FBXL7: variants seen among roughly 807,000 people sequenced by gnomAD.
FBXL7 encodes the protein F-box/LRR-repeat protein 7.
Under a neutral mutation model 38.3 loss-of-function variants are expected in FBXL7, and 12 were observed. The observed-to-expected ratio is 0.31, with a 90% CI of 0.20 to 0.51. The LOEUF (loss-of-function observed/expected upper bound fraction) is 0.51. Ranked by LOEUF, FBXL7 falls within the 20% of genes least tolerant of loss-of-function variation. The probability of loss-of-function intolerance (pLI) is 0.98; values close to 1 mark genes in which losing one functional copy is unlikely to be tolerated. For synonymous variants in FBXL7, 297 were observed against 300.9 expected (o/e 0.99, Z 0.13); for missense variants, 567 against 676.4 (o/e 0.84, Z 1.79).
chr5:15,683,755 A>G (rs1742925272), intron 2 of FBXL7, among the ~76,000 whole-genome samples: 1 of 152,138 alleles, frequency 6.6e-6, no homozygotes, highest in Admixed American at 6.6e-5. Context: ...TCCAAGTTAG[A>G]GCAAAAATTG....
At chr5:15,518,960 A>G (rs1463694920) in intron 1 of FBXL7, among the ~76,000 whole-genome samples, 1 of 152,110 alleles carries the variant, frequency 6.6e-6, no homozygotes, top group Non-Finnish European at 1.5e-5. Flanking sequence ...ACTTGTCCCT[A>G]GGAACTTGCA....
chr5:15,890,674 G>C (rs1254703308), intron 2 of FBXL7, among the ~76,000 whole-genome samples: 1 of 152,132 alleles, frequency 6.6e-6, no homozygotes, highest in East Asian at 1.9e-4. Context: ...ACCATCCTCT[G>C]CCCCTCCCTG....
At chr5:15,528,008 C>T (rs1182442623) in intron 1 of FBXL7, among the ~76,000 whole-genome samples, 1 of 152,194 alleles carries the variant, frequency 6.6e-6, no homozygotes, top group East Asian at 1.9e-4. Context: ...CAATATCTAA[C>T]ATGTTTATAA....
rs1418061458 is a variant in FBXL7, at chr5:15,927,791, GAAGAAAGAAAAGAA to G, written c.128-88_128-75del. 20 of 518,218 alleles carry G rather than the reference GAAGAAAGAAAAGAA, an allele frequency of 3.9e-5. No homozygotes were observed. The South Asian group carries it at 1.5e-3, about 38-fold the overall frequency. The allele number at this position is 518,218 out of a possible 1,614,324, so 32.1% of individuals were successfully genotyped here. On this transcript the variant is annotated intron_variant, in intron 2 of 3. Coordinates refer to ENST00000504595, the MANE Select transcript of FBXL7 (RefSeq NM_012304.5). ...AAAAAAAAAAAAAAAAAAAAAAGAA[GAAGAAAGAAAAGAA>G]AAGAAAGAAACCAGTGCTTTTGCTG...
At chr5:15,758,802 G>A (rs918528926) in intron 2 of FBXL7, among the ~76,000 whole-genome samples, 4 of 151,994 alleles carry the variant, frequency 2.6e-5, no homozygotes, top group Non-Finnish European at 4.4e-5. Context: ...CAATTAACTC[G>A]AATTGCTTCT....
At chr5:15,824,093 C>T (rs1442763187) in intron 2 of FBXL7, among the ~76,000 whole-genome samples, 4 of 151,516 alleles carry the variant, frequency 2.6e-5, no homozygotes, top group East Asian at 1.9e-4. Flanking sequence ...GCCTGACCAA[C>T]GAGACCAGCC....
At chr5:15,862,212 G>A (rs914594577) in intron 2 of FBXL7, among the ~76,000 whole-genome samples, 12 of 152,096 alleles carry the variant, frequency 7.9e-5, no homozygotes, top group East Asian at 5.8e-4. Flanking sequence ...TACTGTTCTC[G>A]TGGTAGTGAA....
intron 1 of FBXL7, among the ~76,000 whole-genome samples, chr5:15,582,260 T>G (rs906981289): frequency 6.6e-6 from 1 of 152,176 alleles, no homozygotes; most frequent in Non-Finnish European, 1.5e-5. Flanking sequence ...AAGGTTGAAA[T>G]GCATGCACTG....
rs537416708 is a variant in FBXL7 at position 15,717,921 on chromosome 5, A to C, written c.127+101849A>C. On this transcript the variant is annotated intron_variant, in intron 2 of 3. Coordinates refer to ENST00000504595, the MANE Select transcript of FBXL7 (RefSeq NM_012304.5). ...TTCCCAGCTTTATAGATAATTTTTC[A>C]GTCAGTAGGTAATATTTAAACATGG... 2.7e-3 allele frequency among the ~76,000 whole-genome samples: 388 copies of C among 145,484 alleles called. 3 individuals carry two copies. The highest frequency in any genetic ancestry group is 8.4e-3 in the African/African-American group (333 of 39,850).
At chr5:15,781,048 G>A (rs573291813) in intron 2 of FBXL7, among the ~76,000 whole-genome samples, 10 of 152,306 alleles carry the variant, frequency 6.6e-5, no homozygotes, top group Middle Eastern at 3.4e-3. Context: ...TGTGGATGCA[G>A]TTGTGACAGT....
At chr5:15,819,010 A>G (rs147479148) in intron 2 of FBXL7, among the ~76,000 whole-genome samples, 464 of 152,314 alleles carry the variant, frequency 3.0e-3, no homozygotes, top group South Asian at 8.1e-3. Context: ...ATACTGATTT[A>G]TGATAACTTC....
At chr5:15,918,822 A>G (rs1446320916) in intron 2 of FBXL7, among the ~76,000 whole-genome samples, 1 of 152,206 alleles carries the variant, frequency 6.6e-6, no homozygotes, top group Non-Finnish European at 1.5e-5. Context: ...GGGGGTACCA[A>G]CTGCTGGACG....
At chr5:15,627,283 G>A (rs1740850012) in intron 2 of FBXL7, among the ~76,000 whole-genome samples, 2 of 152,182 alleles carry the variant, frequency 1.3e-5, no homozygotes, top group Non-Finnish European at 2.9e-5. Flanking sequence ...TCAACAGGTG[G>A]TCTAAAGCAG....
At chr5:15,791,610 C>T (rs1737279020) in intron 2 of FBXL7, among the ~76,000 whole-genome samples, 1 of 152,086 alleles carries the variant, frequency 6.6e-6, no homozygotes, top group African/African-American at 2.4e-5. Context: ...GGGAAGTTCC[C>T]TGGTGGGTAG....
At chr5:15,544,912 T>A (rs934280088) in intron 1 of FBXL7, among the ~76,000 whole-genome samples, 21 of 152,352 alleles carry the variant, frequency 1.4e-4, no homozygotes, top group African/African-American at 5.0e-4. Flanking sequence ...TTATTACATA[T>A]CTCCTTTAGC....
At chr5:15,799,608 AGCCTCG>A (rs1324003463) in intron 2 of FBXL7, among the ~76,000 whole-genome samples, 2 of 152,098 alleles carry the variant, frequency 1.3e-5, no homozygotes, top group East Asian at 1.9e-4. Flanking sequence ...GTGATCCACC[AGCCTCG>A]GCCTCCCGAA....
chr5:15,747,373 G>A (rs1354341172), intron 2 of FBXL7, among the ~76,000 whole-genome samples: 1 of 152,152 alleles, frequency 6.6e-6, no homozygotes, highest in Non-Finnish European at 1.5e-5. Context: ...AAACCTGAAT[G>A]AGGAGGTCTC....
chr5:15,619,509 T>C, intron 2 of FBXL7, among the ~76,000 whole-genome samples: 1 of 152,204 alleles, frequency 6.6e-6, no homozygotes, highest in South Asian at 2.1e-4. Context: ...TCTAGAACTA[T>C]GTTTAACCTT....
intron 2 of FBXL7, among the ~76,000 whole-genome samples, chr5:15,897,402 A>G (rs934977672): frequency 3.0e-4 from 46 of 152,214 alleles, no homozygotes; most frequent in African/African-American, 1.0e-3. Context: ...TTTGAACAGG[A>G]TCATCAGGGC....
Sources: gnomAD v4.1 joint callset for allele counts (sites outside exome capture counted in the v4.1 genomes callset) on GRCh38, gnomAD v4.1.1 for gene constraint, MANE v1.5 for transcripts, NCBI Gene and HGNC (gene_info 2026-07-23, HGNC 2026-07-21) for gene names.